TTK: variants seen among roughly 807,000 people sequenced by gnomAD.
TTK encodes the protein TTK protein kinase.
In TTK, 59 loss-of-function variants were observed where a neutral mutation model predicts 117.3. The observed-to-expected ratio is 0.50, with a 90% confidence interval of 0.41 to 0.62. The LOEUF (loss-of-function observed/expected upper bound fraction) is 0.62, where lower values mean the gene tolerates loss of function less well. Ranked by LOEUF, TTK falls within the 20% of genes least tolerant of loss-of-function variation. The pLI is 0.00. For missense variants in TTK, 921 were observed against 989.4 expected (o/e 0.93, Z 0.93); for synonymous variants, 302 against 325.0 (o/e 0.93, Z 0.76).
chr6:80,013,581 A>G (rs992857953), intron 9 of TTK: 3 of 394,966 alleles, frequency 7.6e-6, no homozygotes, highest in African/African-American at 6.4e-5. Flanking sequence ...GCAAGGATCA[A>G]CAATCTTTTA....
chr6:80,017,504 C>G (rs1187443838), intron 10 of TTK, among the ~76,000 whole-genome samples: 2 of 152,130 alleles, frequency 1.3e-5, no homozygotes, highest in African/African-American at 4.8e-5. Context: ...GTCTCAAACT[C>G]CTGAGTTCAA....
chr6:80,036,780 A>G (rs1457145456), intron 17 of TTK, among the ~76,000 whole-genome samples, 181 bp downstream of exon 17: 1 of 152,190 alleles, frequency 6.6e-6, no homozygotes, highest in East Asian at 1.9e-4. Context: ...ATAGAAAGTC[A>G]AGATCAAATA....
chr6:80,009,734 A>G (rs1055168135), intron 4 of TTK, among the ~76,000 whole-genome samples: 2 of 152,090 alleles, frequency 1.3e-5, no homozygotes, highest in Non-Finnish European at 2.9e-5. Context: ...AGTGTGGTCA[A>G]ATTATGATTA....
intron 4 of TTK, among the ~76,000 whole-genome samples, chr6:80,009,667 C>CA (rs1194628134): frequency 6.6e-6 from 1 of 151,996 alleles, no homozygotes; most frequent in African/African-American, 2.4e-5. Context: ...ACTTTATCTG[C>CA]AATGTGGTAG....
At chr6:80,005,784 A>G in intron 1 of TTK, 58 bp from the exon 2 acceptor site, 1 of 1,577,126 alleles carries the variant, frequency 6.3e-7, no homozygotes, top group Non-Finnish European at 8.6e-7. Flanking sequence ...AAGCTAGTGC[A>G]TTTTTTTCTT....
intron 4 of TTK, among the ~76,000 whole-genome samples, chr6:80,008,933 G>C (rs1767069773): frequency 1.8e-5 from 2 of 112,138 alleles, no homozygotes; most frequent in African/African-American, 3.7e-5. Flanking sequence ...ATATATCTGT[G>C]TGTGTGTGTG....
chr6:80,007,752 C>T (rs1767031677), intron 2 of TTK, 57 bp from the exon 3 acceptor site: 5 of 1,423,698 alleles, frequency 3.5e-6, no homozygotes, highest in Non-Finnish European at 4.8e-6. Context: ...AGGAAAAATG[C>T]AATTTGGCAT....
At position 80,022,420 on chromosome 6, in the gene TTK, C is replaced by T. The variant is rs148231017; in HGVS notation, c.1205C>T (p.Ala402Val). The T allele has an allele frequency of 2.1e-5, 34 of 1,613,984 alleles. No homozygotes were observed. In the East Asian group the frequency reaches 7.1e-4, roughly 34 times the overall value. ...KSECINQNPA[A>V]SSNHWQIPEL... The stretch of plus-strand genomic sequence containing the variant: ...GAGTGTATTAACCAGAATCCTGCTG[C>T]ATCTTCAAATCACTGGCAGATTCCG... Residue 402 changes from alanine (A) to valine (V), a missense_variant, in exon 11 of 22, where the codon GCA becomes GTA. Coordinates refer to ENST00000369798, the MANE Select transcript of TTK (RefSeq NM_003318.5).
At chr6:80,024,800 G>A (rs1303857611) in intron 11 of TTK, among the ~76,000 whole-genome samples, 1 of 152,184 alleles carries the variant, frequency 6.6e-6, no homozygotes, top group East Asian at 1.9e-4. Context: ...GTCCCTTCAA[G>A]GGAGGATTGT....
intron 11 of TTK, among the ~76,000 whole-genome samples, chr6:80,023,562 C>A (rs142871979): frequency 6.6e-6 from 1 of 151,920 alleles, no homozygotes; most frequent in Admixed American, 6.6e-5. Flanking sequence ...CACTGCACTC[C>A]GGCCTGGGTG....
chr6:80,005,710 G>C (rs1307209029), intron 1 of TTK, 132 bp from the exon 2 acceptor site: 11 of 933,952 alleles, frequency 1.2e-5, no homozygotes, highest in Non-Finnish European at 1.8e-5. Context: ...ATTAATACTA[G>C]CCTAATAATA....
At chr6:80,040,326 A>G (rs1582117900) in intron 20 of TTK, 46 bp downstream of exon 20, 2 of 1,454,726 alleles carry the variant, frequency 1.4e-6, no homozygotes, top group East Asian at 4.7e-5. Flanking sequence ...TGGTAGTATA[A>G]ACAGTCTGTT....
rs750072933 is a variant in TTK at position 80,007,997 on chromosome 6, G to A, written c.328G>A (p.Ala110Thr). 10 of 1,613,058 alleles carry A rather than the reference G, an allele frequency of 6.2e-6. No individual in the cohort carries two copies. The African/African-American group carries it at 1.3e-4, about 22-fold the overall frequency. Residue 110 changes from alanine (A) to threonine (T), a missense_variant, in exon 3 of 22, where the codon GCT becomes ACT. Ala to Thr is a moderately conservative substitution (Grantham distance 58). Transcript: ENST00000369798. ...TAAATATGGCCAAAATGAGAGTTTT[G>A]CTAGAATTCAAGTGAGATTTGCTGA... ...PDKYGQNESF[A>T]RIQVRFAELK...
chr6:80,026,606 C>T (rs1021669822), intron 12 of TTK, 92 bp downstream of exon 12: 21 of 1,528,490 alleles, frequency 1.4e-5, no homozygotes, highest in Non-Finnish European at 1.9e-5. Flanking sequence ...TTAAATCCTG[C>T]TCTTTTACTT....
At position 80,035,406 on chromosome 6, in the gene TTK, T is replaced by C. The variant is rs1254402872; in HGVS notation, c.1913T>C (p.Ile638Thr). 3.1e-6 allele frequency: 5 copies of C among 1,603,230 alleles called. No homozygotes were observed. The highest frequency in any genetic ancestry group is 3.4e-6 in the Non-Finnish European group (4 of 1,176,860). Residue 638 changes from isoleucine (I) to threonine (T), a missense_variant, in exon 16 of 22, where the codon ATC becomes ACC. By Grantham distance (89) the Ile-to-Thr change is moderately conservative (BLOSUM62 -1). Coordinates refer to ENST00000369798, the MANE Select transcript of TTK (RefSeq NM_003318.5). ...WKNMLEAVHT[I>T]HQHGIVHSDL... is the part of the protein sequence containing the mutation. ...AATATGTTAGAGGCAGTTCACACAA[T>C]CCATCAACATGGTATTTAACAGTTT...
intron 21 of TTK, among the ~76,000 whole-genome samples, chr6:80,041,076 G>C (rs575012975): frequency 2.6e-5 from 4 of 151,716 alleles, no homozygotes; most frequent in African/African-American, 9.6e-5. Context: ...ACATGTAATG[G>C]CTTTTTTGAA....
Position 80,014,594 on chromosome 6 carries a change from T to G in TTK, c.1108+8T>G. The G allele has an allele frequency of 1.3e-6, 2 of 1,592,394 alleles. No individual in the cohort carries two copies. Among genetic ancestry groups the G allele is most frequent in the South Asian group, 1.2e-5 (1 of 86,018 alleles). On this transcript the variant is annotated splice_region_variant and intron_variant, in intron 10 of 21. Coordinates refer to ENST00000369798, the MANE Select transcript of TTK (RefSeq NM_003318.5). ...TTCTAGCTAAATTAGAAGGTAAGAG[T>G]AACAAAATCAGTAGACTTGTATGTT...
intron 10 of TTK, among the ~76,000 whole-genome samples, chr6:80,019,217 A>C (rs538637674): frequency 1.5e-3 from 226 of 152,296 alleles, no homozygotes; most frequent in African/African-American, 5.2e-3. Context: ...CATAAGGTGA[A>C]ATTTTTATGT....
chr6:80,015,943 T>C (rs1767295602), intron 10 of TTK, among the ~76,000 whole-genome samples: 1 of 152,212 alleles, frequency 6.6e-6, no homozygotes, highest in Admixed American at 6.5e-5. Context: ...TAAATACCTC[T>C]CTCCTTCCAG....
Sources: allele counts gnomAD v4.1 joint callset (sites outside exome capture counted in the v4.1 genomes callset), GRCh38; gene constraint gnomAD v4.1.1; transcripts MANE v1.5; gene names NCBI Gene and HGNC (gene_info 2026-07-23, HGNC 2026-07-21).